OTUD6B: variants seen among roughly 807,000 people sequenced by gnomAD.
The protein encoded by OTUD6B is OTU deubiquitinase 6B.
OTUD6B carries 41 observed loss-of-function variants against 36.9 expected under a neutral mutation model. The observed-to-expected ratio is 1.11, with a 90% CI of 0.87 to 1.44. OTUD6B has a LOEUF of 1.44. Among genes scored for constraint, OTUD6B ranks in the 40% most tolerant of loss-of-function variants. OTUD6B has a pLI of 0.00. For synonymous variants in OTUD6B, 114 were observed against 114.2 expected (o/e 1.00, Z 0.01); for missense variants, 356 against 344.8 (o/e 1.03, Z -0.26).
chr8:91,075,109 TA>T (rs1268417336), intron 3 of OTUD6B, among the ~76,000 whole-genome samples: 1 of 152,086 alleles, frequency 6.6e-6, no homozygotes, highest in African/African-American at 2.4e-5. Flanking sequence ...CTATGCCTCT[TA>T]AAAAATTAAA....
At chr8:91,076,295 T>A (rs1266178419) in intron 3 of OTUD6B, among the ~76,000 whole-genome samples, 4 of 152,122 alleles carry the variant, frequency 2.6e-5, no homozygotes, top group African/African-American at 9.7e-5. Flanking sequence ...AACTTATTAG[T>A]GCCATTCTAT....
Position 91,085,191 on chromosome 8 carries a change from A to G in OTUD6B, c.*323A>G, listed in dbSNP as rs750071916. ...TTGGAACAAATTTTCAATGTTTTTAATTCTCCCTTTTCTGCCTGTTCCTAA... is the reference window on the plus strand; with the variant it reads ...TTGGAACAAATTTTCAATGTTTTTAGTTCTCCCTTTTCTGCCTGTTCCTAA... On this transcript the variant is annotated 3_prime_UTR_variant, in exon 7 of 7. Coordinates refer to ENST00000404789, the MANE Select transcript of OTUD6B (RefSeq NM_016023.5). The G allele has an allele frequency of 6.1e-6, 1 of 163,776 alleles. No individual in the cohort carries two copies. The highest frequency in any genetic ancestry group is 1.3e-5 in the Non-Finnish European group (1 of 75,956). 10.1% of individuals were successfully genotyped at this position (163,776 alleles called of 1,614,324 possible).
intron 2 of OTUD6B, among the ~76,000 whole-genome samples, chr8:91,071,621 TACAGGCGTGAG>T (rs1812701698): frequency 6.6e-6 from 1 of 152,216 alleles, no homozygotes; most frequent in African/African-American, 2.4e-5. Context: ...GTGCTGGGAT[TACAGGCGTGAG>T]CCACCGTGCC....
intron 5 of OTUD6B, among the ~76,000 whole-genome samples, chr8:91,081,097 G>C (rs1191807463): frequency 6.6e-6 from 1 of 151,472 alleles, no homozygotes; most frequent in African/African-American, 2.4e-5. Context: ...TAGTAGCTCA[G>C]CTGATCAAAG....
chr8:91,073,909 C>A lies in OTUD6B; in HGVS notation c.313C>A (p.Arg105=). The A allele has an allele frequency of 6.3e-7, 1 of 1,583,902 alleles. No homozygotes were observed. Among genetic ancestry groups the A allele is most frequent in the Non-Finnish European group, 8.6e-7 (1 of 1,162,476 alleles). Reference sequence around the variant, plus strand: ...TCGGATATCAAAAGCACAAAAGAGACGGGTATGAAAGTCATGTCACCAAGT... The same window carrying A: ...TCGGATATCAAAAGCACAAAAGAGAAGGGTATGAAAGTCATGTCACCAAGT... ...PPRISKAQKR[R]EKKAALEKER... Residue 105 remains arginine (R), a splice_region_variant and synonymous_variant, in exon 3 of 7, where the codon CGG becomes AGG. Coordinates refer to ENST00000404789, the MANE Select transcript of OTUD6B (RefSeq NM_016023.5).
chr8:91,078,391 A>G lies in OTUD6B; in HGVS notation c.351A>G (p.Glu117=). The G allele has an allele frequency of 6.3e-7, 1 of 1,590,914 alleles. No homozygotes were observed. The highest frequency in any genetic ancestry group is 8.6e-7 in the Non-Finnish European group (1 of 1,167,558). ...KKAALEKERE[E]RIAEAEIENL... ...CTGCATTGGAAAAGGAGCGAGAAGA[A>G]CGGATAGCTGAAGCTGAAATTGAAA... The change falls in exon 4 of 7, where the codon GAA becomes GAG. Residue 117 remains glutamate (E), a synonymous_variant. Coordinates refer to ENST00000404789, the MANE Select transcript of OTUD6B (RefSeq NM_016023.5).
At chr8:91,076,793 C>G in intron 3 of OTUD6B, 2 of 708,444 alleles carry the variant, frequency 2.8e-6, no homozygotes, top group Non-Finnish European at 5.1e-6. Context: ...ATAGTGCCAT[C>G]TTGTGTTTTA....
In OTUD6B at chr8:91,070,360, G is replaced by A. The variant is rs886774931; in HGVS notation, c.-25G>A. 5.0e-6 allele frequency: 8 copies of A among 1,612,482 alleles called. No individual in the cohort carries two copies. The highest frequency in any genetic ancestry group is 8.5e-7 in the Non-Finnish European group (1 of 1,179,324). ...CTAGCCGGTGCAGGTTTCTTCTAGC[G>A]CGTGTGCTGGGGTACCTGGTCGTCA... On this transcript the variant is annotated 5_prime_UTR_variant, in exon 1 of 7. Transcript: ENST00000404789.
chr8:91,078,165 A>G (rs527684137), intron 3 of OTUD6B, 191 bp from the exon 4 acceptor site: 1 of 757,188 alleles, frequency 1.3e-6, no homozygotes, highest in South Asian at 6.0e-5. Context: ...TGCTGGAAAC[A>G]CACAGATGAG....
In OTUD6B at chr8:91,076,618, G is replaced by T. The variant is rs542386416; in HGVS notation, c.316-1738G>T. ...TGCCTGGATAGAAGGAGCTCTCTGT[G>T]TTGTCCTTGGTCCCTGCTCTGCTCT... On this transcript the variant is annotated intron_variant, in intron 3 of 6. Transcript: ENST00000404789. The T allele has an allele frequency of 2.6e-4, 400 of 1,532,602 alleles. 3 individuals carry two copies. In the South Asian group the frequency reaches 4.5e-3, roughly 17 times the overall value. 94.9% of individuals were successfully genotyped at this position (1,532,602 alleles called of 1,614,324 possible). A position where few individuals can be genotyped will look rare whatever the true frequency, so the allele number is the denominator to read the frequency against.
chr8:91,079,763 T>C (rs148199880), intron 4 of OTUD6B, among the ~76,000 whole-genome samples: 5 of 152,266 alleles, frequency 3.3e-5, no homozygotes, highest in Admixed American at 3.3e-4. Context: ...GCGCTAGTTG[T>C]AGGGCATAGA....
chr8:91,071,312 G>A (rs1563579305), intron 2 of OTUD6B, 23 bp downstream of exon 2: 2 of 1,585,490 alleles, frequency 1.3e-6, no homozygotes, highest in Non-Finnish European at 1.7e-6. Context: ...AATGTTTGTC[G>A]TTGCCTACAC....
Position 91,082,689 on chromosome 8 carries a change from T to C in OTUD6B, c.691-1319T>C, listed in dbSNP as rs550884657. 4.6e-5 allele frequency among the ~76,000 whole-genome samples: 7 copies of C among 151,780 alleles called. No homozygotes were observed. In the South Asian group the frequency reaches 8.4e-4, roughly 18 times the overall value. ...CCATCCCATAAAGTTATTGAGAGGA[T>C]TAAAGGAATTAATACACATAAAGTA... On this transcript the variant is annotated intron_variant, in intron 5 of 6. Transcript: ENST00000404789.
chr8:91,084,438 A>C (rs1390977564), intron 6 of OTUD6B, among the ~76,000 whole-genome samples: 2 of 152,044 alleles, frequency 1.3e-5, no homozygotes, highest in Non-Finnish European at 2.9e-5. Context: ...TGATTTAGAA[A>C]TCTCTTCTGA....
intron 4 of OTUD6B, among the ~76,000 whole-genome samples, chr8:91,079,752 T>A (rs1812865089): frequency 6.6e-6 from 1 of 152,124 alleles, no homozygotes; most frequent in South Asian, 2.1e-4. Context: ...ACTCCCCAAT[T>A]GCGCTAGTTG....
At position 91,078,635 on chromosome 8, in the gene OTUD6B, A is replaced by G. The variant is rs760301516; in HGVS notation, c.595A>G (p.Thr199Ala). ...SHVEDFLPFL[T>A]NPNTGDMYTP... Reference sequence around the variant, plus strand: ...TGTGGAAGACTTTCTGCCATTTTTAACAAACCCTAATACAGGAGATATGTA... The same window carrying G: ...TGTGGAAGACTTTCTGCCATTTTTAGCAAACCCTAATACAGGAGATATGTA... The change falls in exon 4 of 7, where the codon ACA becomes GCA. Residue 199 changes from threonine to alanine, a missense_variant. Thr to Ala is a moderately conservative substitution (Grantham distance 58). Transcript: ENST00000404789. 2.0e-5 allele frequency: 32 copies of G among 1,590,406 alleles called. No homozygotes were observed. The highest frequency in any genetic ancestry group is 4.0e-5 in the African/African-American group (3 of 74,436).
intron 6 of OTUD6B, 104 bp from the exon 7 acceptor site, chr8:91,084,680 G>C (rs1812972614): frequency 4.3e-6 from 5 of 1,169,180 alleles, no homozygotes; most frequent in Non-Finnish European, 5.4e-6. Context: ...CATGTGGACT[G>C]AGTCATTCAG....
chr8:91,082,716 T>C (rs1392392168), intron 5 of OTUD6B, among the ~76,000 whole-genome samples: 1 of 151,122 alleles, frequency 6.6e-6, no homozygotes, highest in Admixed American at 6.6e-5. Flanking sequence ...CATAAAGTAC[T>C]TAAAATGCTT....
chr8:91,078,240 G>A (rs1030841044), intron 3 of OTUD6B, 116 bp from the exon 4 acceptor site: 42 of 1,441,714 alleles, frequency 2.9e-5, no homozygotes, highest in Non-Finnish European at 3.6e-5. Context: ...GTGTTTGTGC[G>A]AGAAGGGAGA....
Sources: allele counts gnomAD v4.1 joint callset (sites outside exome capture counted in the v4.1 genomes callset), GRCh38; gene constraint gnomAD v4.1.1; transcripts MANE v1.5; gene names NCBI Gene and HGNC (gene_info 2026-07-23, HGNC 2026-07-21).